Variants in CRPPA observed in about 807,000 individuals in gnomAD.
CRPPA encodes CDP-L-ribitol pyrophosphorylase A.
In CRPPA, 43 loss-of-function variants were observed where a neutral mutation model predicts 52.0. That is an observed-to-expected ratio of 0.83 (90% confidence interval 0.65 to 1.07). The LOEUF is 1.07. CRPPA is among the 50% of genes least tolerant of loss of function. The pLI, the probability that CRPPA is intolerant of heterozygous loss-of-function variation, is 0.00. For synonymous variants in CRPPA, 250 were observed against 203.5 expected (o/e 1.23, Z -1.94); for missense variants, 629 against 551.7 (o/e 1.14, Z -1.40).
intron 6 of CRPPA, chr7:16,269,688 T>A (rs1784046298): frequency 6.6e-6 from 1 of 152,170 alleles, no homozygotes; most frequent in African/African-American, 2.4e-5. Flanking sequence ...CAAAGTGGTA[T>A]ATTTGATTCA....
chr7:16,213,447 T>C (rs2128397247), intron 9 of CRPPA, among the ~76,000 whole-genome samples: 1 of 152,274 alleles, frequency 6.6e-6, no homozygotes, highest in African/African-American at 2.4e-5. Flanking sequence ...TACAAATTTT[T>C]TTTTAAAAAA....
intron 2 of CRPPA, among the ~76,000 whole-genome samples, chr7:16,399,478 T>G (rs975350561): frequency 6.7e-6 from 1 of 148,696 alleles, no homozygotes; most frequent in African/African-American, 2.5e-5. Flanking sequence ...TGACAAGACG[T>G]TTGATCAACA....
intron 1 of CRPPA, among the ~76,000 whole-genome samples, chr7:16,416,935 A>C (rs1788209738): frequency 6.6e-6 from 1 of 152,206 alleles, no homozygotes; most frequent in South Asian, 2.1e-4. Context: ...CAGAATCTAT[A>C]AGGAACTGTA....
intron 9 of CRPPA, among the ~76,000 whole-genome samples, chr7:16,175,807 A>G (rs1015283476): frequency 6.6e-6 from 1 of 152,308 alleles, no homozygotes; most frequent in East Asian, 1.9e-4. Context: ...TGTGCTTGAA[A>G]AAGATTATTA....
intron 2 of CRPPA, among the ~76,000 whole-genome samples, chr7:16,398,368 A>G (rs1289949468): frequency 4.0e-5 from 5 of 123,736 alleles, no homozygotes; most frequent in African/African-American, 7.2e-5. Context: ...CAGAGGCAAG[A>G]CCAGGGCATG....
intron 2 of CRPPA, among the ~76,000 whole-genome samples, chr7:16,396,694 G>C (rs546234605): frequency 4.3e-4 from 66 of 152,342 alleles, no homozygotes; most frequent in South Asian, 6.2e-4. Flanking sequence ...CAGTCAATGA[G>C]TAGATAGAGA....
At chr7:16,123,124 T>C (rs1782509732) in intron 9 of CRPPA, among the ~76,000 whole-genome samples, 1 of 152,110 alleles carries the variant, frequency 6.6e-6, no homozygotes. Context: ...CTGCTTATAA[T>C]AGGCTTGTTA....
At chr7:16,256,420 C>A (rs527388297) in intron 8 of CRPPA, among the ~76,000 whole-genome samples, 3 of 152,158 alleles carry the variant, frequency 2.0e-5, no homozygotes, top group Non-Finnish European at 2.9e-5. Context: ...TGGGTATACA[C>A]CCAAAGGATT....
intron 5 of CRPPA, among the ~76,000 whole-genome samples, chr7:16,293,643 G>A (rs529099278): frequency 1.3e-5 from 2 of 151,892 alleles, no homozygotes; most frequent in Non-Finnish European, 2.9e-5. Context: ...AACAAATAAA[G>A]ACATGCAAGA....
intron 9 of CRPPA, among the ~76,000 whole-genome samples, chr7:16,119,414 C>G (rs1275597011): frequency 1.3e-5 from 2 of 151,204 alleles, no homozygotes; most frequent in Non-Finnish European, 2.9e-5. Flanking sequence ...ACACCAAAAT[C>G]CTTAAACAGC....
intron 9 of CRPPA, among the ~76,000 whole-genome samples, chr7:16,205,444 A>T (rs1781953986): frequency 6.6e-6 from 1 of 152,166 alleles, no homozygotes; most frequent in Non-Finnish European, 1.5e-5. Context: ...GTTAAAAATT[A>T]CACCCCCCAC....
In CRPPA at chr7:16,258,441, G is replaced by A. The variant is rs1783704109; in HGVS notation, c.1068C>T (p.Ser356=). 1 of 1,607,172 alleles carries A rather than the reference G, an allele frequency of 6.2e-7. No individual in the cohort carries two copies. ...TGCAAAGACTACTCTCTTCAAGCAT[G>A]CTCAGTAACTTCTGGGTTTCTTGAA... is the stretch of plus-strand genomic sequence containing the variant. ...SDFQETQKLL[S]MLEESSLCIL... is the part of the protein sequence containing the mutation. The change falls in exon 8 of 10, where the codon AGC becomes AGT. Residue 356 remains serine (S), a synonymous_variant. Transcript: ENST00000407010.
At position 16,133,243 on chromosome 7, in the gene CRPPA, G is replaced by C. The variant is rs1782709871; in HGVS notation, c.1252-41444C>G. On this transcript the variant is annotated intron_variant, in intron 9 of 9. Coordinates refer to ENST00000407010, the MANE Select transcript of CRPPA (RefSeq NM_001101426.4). ...GATGCATGAGAATTGCTTGAACCCA[G>C]GAGGTGGAGGTTGCAGTGAGCTGAA... 2.5e-5 allele frequency among the ~76,000 whole-genome samples: 3 copies of C among 122,370 alleles called. 1 individual carries two copies. The highest frequency in any genetic ancestry group is 5.6e-5 in the Non-Finnish European group (3 of 54,042). 80.3% of individuals were successfully genotyped at this position (122,370 alleles called of 152,430 possible).
chr7:16,365,731 C>T (rs763786102), intron 3 of CRPPA, among the ~76,000 whole-genome samples: 8 of 152,062 alleles, frequency 5.3e-5, no homozygotes, highest in Admixed American at 1.3e-4. Flanking sequence ...AACCATGATA[C>T]GGACAAGAAC....
chr7:16,304,918 A>G (rs982475513), intron 4 of CRPPA, among the ~76,000 whole-genome samples: 2 of 152,216 alleles, frequency 1.3e-5, no homozygotes, highest in African/African-American at 4.8e-5. Flanking sequence ...CAGATTTTTG[A>G]ATCATGTTTC....
intron 3 of CRPPA, among the ~76,000 whole-genome samples, chr7:16,357,559 C>T (rs1226562558): frequency 6.6e-6 from 1 of 152,048 alleles, no homozygotes; most frequent in Non-Finnish European, 1.5e-5. Flanking sequence ...CTCAATTCCC[C>T]GCTACCTTGG....
intron 9 of CRPPA, among the ~76,000 whole-genome samples, chr7:16,116,078 T>G (rs530613766): frequency 6.6e-6 from 1 of 152,216 alleles, no homozygotes; most frequent in East Asian, 1.9e-4. Flanking sequence ...ATCGGGATAT[T>G]TACATAGTTT....
intron 3 of CRPPA, among the ~76,000 whole-genome samples, chr7:16,367,917 T>C (rs1445762170): frequency 6.6e-6 from 1 of 152,126 alleles, no homozygotes; most frequent in East Asian, 1.9e-4. Context: ...AAGCAAAAGG[T>C]ACATAATTAA....
intron 3 of CRPPA, among the ~76,000 whole-genome samples, chr7:16,315,111 C>G (rs1193614027): frequency 6.6e-6 from 1 of 152,118 alleles, no homozygotes; most frequent in Non-Finnish European, 1.5e-5. Flanking sequence ...AAGATATATA[C>G]TCAAGCTGAG....
Sources: allele counts gnomAD v4.1 joint callset (sites outside exome capture counted in the v4.1 genomes callset), GRCh38; gene constraint gnomAD v4.1.1; transcripts MANE v1.5; gene names NCBI Gene and HGNC (gene_info 2026-07-23, HGNC 2026-07-21).